CADPS: variants seen among roughly 807,000 people sequenced by gnomAD.
The protein encoded by CADPS is calcium dependent secretion activator.
CADPS carries 57 observed loss-of-function variants against 167.3 expected under a neutral mutation model. The observed-to-expected ratio is 0.34, with a 90% CI of 0.28 to 0.42. The LOEUF (loss-of-function observed/expected upper bound fraction) is 0.42, where lower values mean the gene tolerates loss of function less well. Ranked by LOEUF, CADPS falls within the 20% of genes least tolerant of loss-of-function variation. The pLI is 1.00. For synonymous variants in CADPS, 676 were observed against 635.3 expected (o/e 1.06, Z -0.96); for missense variants, 1,414 against 1,738.1 (o/e 0.81, Z 3.32).
At chr3:62,648,620 A>G (rs2069156182) in intron 5 of CADPS, among the ~76,000 whole-genome samples, 1 of 144,874 alleles carries the variant, frequency 6.9e-6, no homozygotes, top group Non-Finnish European at 1.5e-5. Flanking sequence ...CAGGAAGTTG[A>G]GGCTGCAGTT....
At chr3:62,618,063 ATCTGACTCAAATGAC>A (rs1228194758) in intron 6 of CADPS, among the ~76,000 whole-genome samples, 1 of 152,126 alleles carries the variant, frequency 6.6e-6, no homozygotes. Context: ...ATGGGTGGAT[ATCTGACTCAAATGAC>A]TCAATAAGAG....
rs1280042644 is a variant in CADPS, at chr3:62,874,868, G to A, written c.162C>T (p.Gly54=). The change falls in exon 1 of 30, where the codon GGC becomes GGT. Residue 54 remains glycine (G), a synonymous_variant. Coordinates refer to ENST00000383710, the MANE Select transcript of CADPS (RefSeq NM_003716.4). The surrounding 1 kb of genome is among the most constrained non-coding windows in gnomAD (Gnocchi z 7.1). ...CGCCTGCACCCACCCCGGCTCCGGC[G>A]CCGGCGCCGCCGCCCCCCAGCCCGG... The part of the protein sequence containing the change: ...GSAGLGGGGA[G]AGAGVGAGGG... 3.5e-6 allele frequency: 4 copies of A among 1,127,414 alleles called. No individual in the cohort carries two copies. Among genetic ancestry groups the A allele is most frequent in the African/African-American group, 1.7e-5 (1 of 59,960 alleles). 69.8% of individuals were successfully genotyped at this position (1,127,414 alleles called of 1,614,324 possible).
intron 18 of CADPS, among the ~76,000 whole-genome samples, chr3:62,494,788 C>A (rs1269956344): frequency 8.0e-5 from 12 of 149,948 alleles, no homozygotes; most frequent in African/African-American, 3.0e-4. Context: ...ATTACAGGCG[C>A]CTGCCACCAT....
chr3:62,468,994 C>G (rs1162079661), intron 24 of CADPS, among the ~76,000 whole-genome samples: 1 of 152,108 alleles, frequency 6.6e-6, no homozygotes, highest in Non-Finnish European at 1.5e-5. Flanking sequence ...GGCAGTATTA[C>G]TACTACTACT....
chr3:62,506,558 A>G (rs892512062), intron 17 of CADPS, among the ~76,000 whole-genome samples: 2 of 152,214 alleles, frequency 1.3e-5, no homozygotes, highest in South Asian at 2.1e-4. Context: ...GCTGTTGCAT[A>G]TAAGAAAAGT....
chr3:62,535,021 A>G (rs909249442), intron 12 of CADPS, among the ~76,000 whole-genome samples: 5 of 152,110 alleles, frequency 3.3e-5, no homozygotes, highest in Non-Finnish European at 5.9e-5. Context: ...TTAAAAAATG[A>G]TAATGTGAAA....
At chr3:62,646,953 A>C (rs1328292042) in intron 5 of CADPS, among the ~76,000 whole-genome samples, 1 of 152,210 alleles carries the variant, frequency 6.6e-6, no homozygotes, top group East Asian at 1.9e-4. Context: ...ATGATGGATC[A>C]AGATGTATCA....
At chr3:62,744,824 T>C (rs1297508531) in intron 3 of CADPS, among the ~76,000 whole-genome samples, 2 of 152,218 alleles carry the variant, frequency 1.3e-5, no homozygotes, top group East Asian at 3.9e-4. Context: ...CCCAATTCCC[T>C]GCTCCTTAGA....
intron 2 of CADPS, among the ~76,000 whole-genome samples, chr3:62,754,863 C>A (rs2083502435): frequency 6.6e-6 from 1 of 152,108 alleles, no homozygotes; most frequent in Admixed American, 6.5e-5. Flanking sequence ...CTATTTGTAC[C>A]TCCTTTTATC....
At chr3:62,790,781 C>G (rs9311849) in intron 1 of CADPS, among the ~76,000 whole-genome samples, 9,937 of 152,168 alleles carry the variant, frequency 0.065, 1,080 homozygotes, top group African/African-American at 0.23. Flanking sequence ...TCATGGAAGT[C>G]CAGCTCTTAA....
chr3:62,592,503 T>A, intron 7 of CADPS, 134 bp downstream of exon 7: 1 of 648,704 alleles, frequency 1.5e-6, no homozygotes. Context: ...CAATGTAGAG[T>A]GGAGTCCAGG....
intron 22 of CADPS, among the ~76,000 whole-genome samples, chr3:62,480,629 T>C (rs2061887710): frequency 6.6e-6 from 1 of 152,224 alleles, no homozygotes; most frequent in South Asian, 2.1e-4. Context: ...TCTTGATGAA[T>C]GTGATTCTAA....
intron 13 of CADPS, among the ~76,000 whole-genome samples, chr3:62,518,828 C>T (rs537355260): frequency 2.0e-5 from 3 of 152,084 alleles, no homozygotes; most frequent in Non-Finnish European, 4.4e-5. Flanking sequence ...CGGTGTCAGA[C>T]GTCTTAAATG....
intron 6 of CADPS, among the ~76,000 whole-genome samples, chr3:62,637,329 G>T (rs1489455651): frequency 6.6e-6 from 1 of 152,164 alleles, no homozygotes; most frequent in Non-Finnish European, 1.5e-5. Context: ...AGCTAGTTCA[G>T]TGCCTGGTAC....
At chr3:62,810,175 A>G (rs1314592314) in intron 1 of CADPS, among the ~76,000 whole-genome samples, 3 of 152,170 alleles carry the variant, frequency 2.0e-5, no homozygotes, top group Non-Finnish European at 4.4e-5. Context: ...CAAGCAATGG[A>G]GAGTAGTCCT....
chr3:62,705,807 T>A (rs2082207647), intron 3 of CADPS, among the ~76,000 whole-genome samples: 1 of 152,128 alleles, frequency 6.6e-6, no homozygotes, highest in Non-Finnish European at 1.5e-5. Context: ...CCCTTTTATA[T>A]ATACATCTAT....
At chr3:62,780,008 A>C (rs1326292156) in intron 1 of CADPS, among the ~76,000 whole-genome samples, 1 of 152,118 alleles carries the variant, frequency 6.6e-6, no homozygotes, top group African/African-American at 2.4e-5. Context: ...CATTGAACTG[A>C]GGGCTAGTGG....
At chr3:62,791,928 C>G (rs2092984522) in intron 1 of CADPS, among the ~76,000 whole-genome samples, 1 of 152,174 alleles carries the variant, frequency 6.6e-6, no homozygotes, top group South Asian at 2.1e-4. Context: ...AATAAATTGT[C>G]ATTTTGCTGT....
At chr3:62,435,016 C>T (rs575164517) in intron 28 of CADPS, among the ~76,000 whole-genome samples, 1 of 152,228 alleles carries the variant, frequency 6.6e-6, no homozygotes, top group South Asian at 2.1e-4. Flanking sequence ...TCAGAATCAA[C>T]AACCCCCAAA....
Sources: gnomAD v4.1 joint callset for allele counts (sites outside exome capture counted in the v4.1 genomes callset) on GRCh38, gnomAD v4.1.1 for gene constraint, Gnocchi (gnomAD v3.1) non-coding constraint, MANE v1.5 for transcripts, NCBI Gene and HGNC (gene_info 2026-07-23, HGNC 2026-07-21) for gene names.